PLPPR5: variants seen among roughly 807,000 people sequenced by gnomAD.
PLPPR5 encodes the protein phospholipid phosphatase-related protein type 5.
Under a neutral mutation model 33.9 loss-of-function variants are expected in PLPPR5, and 16 were observed. That is an observed-to-expected ratio of 0.47 (90% CI 0.32 to 0.72). The LOEUF is 0.72. Ranked by LOEUF, PLPPR5 falls within the 30% of genes least tolerant of loss-of-function variation. The pLI is 0.03. For missense variants in PLPPR5, 301 were observed against 406.7 expected, an observed-to-expected ratio of 0.74 and a Z score of 2.23; for synonymous variants, 163 against 150.3, an observed-to-expected ratio of 1.08 and a Z score of -0.62.
chr1:98,919,539 A>G (rs1211565669), intron 4 of PLPPR5, among the ~76,000 whole-genome samples: 1 of 152,132 alleles, frequency 6.6e-6, no homozygotes, highest in African/African-American at 2.4e-5. Flanking sequence ...AAATGAGAAA[A>G]CTGGGAATCA....
At chr1:98,983,732 C>A (rs1313382180) in intron 1 of PLPPR5, among the ~76,000 whole-genome samples, 18 of 152,044 alleles carry the variant, frequency 1.2e-4, no homozygotes, top group Non-Finnish European at 2.2e-4. Flanking sequence ...TATTTCTCCA[C>A]ATCCTCTCCA....
In PLPPR5 at chr1:99,004,707, G is replaced by GAGCC; in HGVS notation, c.-37_-36insGGCT. 1 of 1,433,834 alleles carries GAGCC rather than the reference G, an allele frequency of 7.0e-7. No individual in the cohort carries two copies. The highest frequency in any genetic ancestry group is 9.3e-7 in the Non-Finnish European group (1 of 1,079,580). The allele number at this position is 1,433,834 out of a possible 1,614,324, so 88.8% of individuals were successfully genotyped here. A position where few individuals can be genotyped will look rare whatever the true frequency, so the allele number is the denominator to read the frequency against. ...CGGGCCGGGCCGAGCCGAGCCGAGC[G>GAGCC]GGCGGTCGACGCGGTGGGCCCCCTC... is the stretch of plus-strand genomic sequence containing the variant. On this transcript the variant is annotated 5_prime_UTR_variant, in exon 1 of 6. Coordinates refer to ENST00000263177, the MANE Select transcript of PLPPR5 (RefSeq NM_001037317.2).
intron 1 of PLPPR5, among the ~76,000 whole-genome samples, chr1:99,002,970 T>C (rs1367312412): frequency 2.0e-5 from 3 of 148,208 alleles, no homozygotes; most frequent in African/African-American, 4.9e-5. Flanking sequence ...TTTTTTTTTC[T>C]CTGCCAGCTT....
intron 3 of PLPPR5, 22 bp from the exon 4 acceptor site, chr1:98,922,080 A>AC (rs397816330): frequency 6.2e-7 from 1 of 1,607,410 alleles, no homozygotes; most frequent in Admixed American, 1.7e-5. Flanking sequence ...AATAAAAAAA[A>AC]TGACTTTTCA....
intron 1 of PLPPR5, 100 bp downstream of exon 1, chr1:99,004,335 G>A (rs1652982567): frequency 2.9e-6 from 3 of 1,048,556 alleles, no homozygotes; most frequent in Non-Finnish European, 4.0e-6. Flanking sequence ...AACTTAGAAG[G>A]CAAAACCTAC....
chr1:98,975,477 T>A (rs983661196), intron 1 of PLPPR5, among the ~76,000 whole-genome samples: 5 of 152,088 alleles, frequency 3.3e-5, no homozygotes, highest in African/African-American at 1.2e-4. Flanking sequence ...CTTTTGAGGT[T>A]TCAGCGGAAT....
intron 5 of PLPPR5, among the ~76,000 whole-genome samples, chr1:98,901,359 C>T (rs1384578753): frequency 6.6e-6 from 1 of 152,060 alleles, no homozygotes; most frequent in Non-Finnish European, 1.5e-5. Flanking sequence ...CATTCTCTGA[C>T]TTGATTATGG....
chr1:98,967,177 A>C (rs998488270), intron 1 of PLPPR5, among the ~76,000 whole-genome samples: 1 of 152,138 alleles, frequency 6.6e-6, no homozygotes, highest in African/African-American at 2.4e-5. Context: ...GGACTATAGA[A>C]AGAGAGGTTA....
At chr1:98,933,500 AG>A (rs5776443) in intron 3 of PLPPR5, among the ~76,000 whole-genome samples, 1 of 151,194 alleles carries the variant, frequency 6.6e-6, no homozygotes, top group African/African-American at 2.4e-5. Context: ...AAAAAAAAAA[AG>A]GATTTCAGAA....
chr1:98,993,659 A>G (rs1652534965), intron 1 of PLPPR5, among the ~76,000 whole-genome samples: 1 of 152,066 alleles, frequency 6.6e-6, no homozygotes, highest in African/African-American at 2.4e-5. Context: ...CCCCAAGTGC[A>G]TTATCTCTAT....
At chr1:98,987,585 G>A (rs1652302678) in intron 1 of PLPPR5, among the ~76,000 whole-genome samples, 1 of 151,764 alleles carries the variant, frequency 6.6e-6, no homozygotes. Flanking sequence ...AAAGCCTTTT[G>A]CAAGCAACTG....
intron 1 of PLPPR5, among the ~76,000 whole-genome samples, chr1:98,978,864 G>T (rs991395458): frequency 2.0e-5 from 3 of 151,906 alleles, no homozygotes; most frequent in Non-Finnish European, 4.4e-5. Context: ...TCAAACACAG[G>T]CATGTCTGAT....
chr1:98,964,568 C>T (rs563356703), intron 1 of PLPPR5, among the ~76,000 whole-genome samples: 1 of 152,286 alleles, frequency 6.6e-6, no homozygotes, highest in South Asian at 2.1e-4. Context: ...ACCCTTACCT[C>T]GTTTCTCTTA....
At chr1:98,916,041 T>A (rs958747046) in intron 4 of PLPPR5, among the ~76,000 whole-genome samples, 1 of 152,192 alleles carries the variant, frequency 6.6e-6, no homozygotes. Context: ...TATATAATTA[T>A]ACATTTACAT....
At chr1:98,938,032 C>T (rs1425491129) in intron 3 of PLPPR5, among the ~76,000 whole-genome samples, 1 of 151,998 alleles carries the variant, frequency 6.6e-6, no homozygotes, top group African/African-American at 2.4e-5. Context: ...GACTCATCTA[C>T]TCATATTCAT....
chr1:98,913,255 C>T (rs116473665), intron 5 of PLPPR5, among the ~76,000 whole-genome samples: 2,054 of 152,226 alleles, frequency 0.013, 19 homozygotes, highest in Middle Eastern at 0.017. Flanking sequence ...GAGTACATCC[C>T]AAAAACATTA....
chr1:98,903,239 T>C (rs1008511168), intron 5 of PLPPR5, among the ~76,000 whole-genome samples: 1 of 151,986 alleles, frequency 6.6e-6, no homozygotes, highest in African/African-American at 2.4e-5. Context: ...AATGCCTAAA[T>C]ATGAACATAT....
chr1:98,983,177 G>A (rs1228259277), intron 1 of PLPPR5, among the ~76,000 whole-genome samples: 19 of 150,750 alleles, frequency 1.3e-4, no homozygotes, highest in Admixed American at 2.6e-4. Context: ...ATGCTGGTGC[G>A]CTGCACCCAC....
chr1:98,970,716 A>T (rs1161129959), intron 1 of PLPPR5, among the ~76,000 whole-genome samples: 2 of 151,940 alleles, frequency 1.3e-5, no homozygotes, highest in African/African-American at 4.8e-5. Flanking sequence ...AAAGAGGTTA[A>T]GTAATTTTCC....
Sources: allele counts gnomAD v4.1 joint callset (sites outside exome capture counted in the v4.1 genomes callset), GRCh38; gene constraint gnomAD v4.1.1; transcripts MANE v1.5; gene names NCBI Gene and HGNC (gene_info 2026-07-23, HGNC 2026-07-21).